The following RTCA variants were observed in gnomAD, a reference collection of about 807,000 sequenced individuals.
RTCA encodes the protein RNA terminal phosphate cyclase domain 1.
In RTCA, 37 loss-of-function variants were observed where a neutral mutation model predicts 46.1. That is an observed-to-expected ratio of 0.80 (90% CI 0.62 to 1.06). The LOEUF is 1.06. RTCA is among the 50% of genes least tolerant of loss of function. The pLI, the probability that RTCA is intolerant of heterozygous loss-of-function variation, is 0.00. For synonymous variants in RTCA, 164 were observed against 158.3 expected (o/e 1.04, Z -0.27); for missense variants, 435 against 455.5 (o/e 0.95, Z 0.41).
rs902403432 is a variant in RTCA at position 100,289,127 on chromosome 1, C to CT, written c.999+1936dup. Among the ~76,000 whole-genome samples the CT allele has an allele frequency of 1.2e-3, 176 of 146,226 alleles. 2 individuals carry two copies. Among genetic ancestry groups the CT allele is most frequent in the Middle Eastern group, 3.5e-3 (1 of 284 alleles). On this transcript the variant is annotated intron_variant, in intron 10 of 10. Transcript: ENST00000370128. ...GCATGAGCCACCGCGCCTGGCCTTT[C>CT]TTTTTTTTTTTTCTTTTAAGAGACA... is the stretch of plus-strand genomic sequence containing the variant.
intron 2 of RTCA, 30 bp downstream of exon 2, chr1:100,266,654 G>T (rs755745297): frequency 4.5e-6 from 7 of 1,560,398 alleles, no homozygotes; most frequent in Non-Finnish European, 6.1e-6. Flanking sequence ...GAGTTGGGCC[G>T]TGAAGCTGGG....
At chr1:100,266,806 G>A in intron 2 of RTCA, 182 bp downstream of exon 2, 1 of 585,462 alleles carries the variant, frequency 1.7e-6, no homozygotes, top group Admixed American at 3.0e-5. Context: ...TTGAAAGCCT[G>A]GAGGGGTGAG....
intron 10 of RTCA, among the ~76,000 whole-genome samples, chr1:100,288,089 T>C (rs1667127358): frequency 6.6e-6 from 1 of 152,164 alleles, no homozygotes; most frequent in African/African-American, 2.4e-5. Context: ...CCACTGTGCC[T>C]GGCCTGGATT....
intron 4 of RTCA, among the ~76,000 whole-genome samples, chr1:100,272,129 A>T (rs1459798788): frequency 6.6e-6 from 1 of 152,252 alleles, no homozygotes. Context: ...TACTGTTAAC[A>T]TTCATATACA....
At chr1:100,272,443 A>G (rs1666150803) in intron 4 of RTCA, among the ~76,000 whole-genome samples, 2 of 152,156 alleles carry the variant, frequency 1.3e-5, no homozygotes, top group Non-Finnish European at 1.5e-5. Flanking sequence ...TAAATATCAA[A>G]TAGAGGGTTC....
At chr1:100,268,432 C>A in intron 3 of RTCA, 137 bp downstream of exon 3, 1 of 713,618 alleles carries the variant, frequency 1.4e-6, no homozygotes, top group Non-Finnish European at 2.3e-6. Flanking sequence ...AGGTATCCCT[C>A]TTGCCCAGGC....
rs776105129 is a variant in RTCA, at chr1:100,277,266, C to G, written c.749C>G (p.Ala250Gly). Residue 250 changes from alanine to glycine, a missense_variant, in exon 8 of 11, where the codon GCT (alanine) becomes GGT (glycine). Transcript: ENST00000370128. ...FGNGNGIIII[A>G]ETSTGCLFAG... ...CTTTTTTTCTTGCATAGAATTATTGCTGAGACCTCCACTGGCTGTTTGTTT... is the reference window on the plus strand; with the variant it reads ...CTTTTTTTCTTGCATAGAATTATTGGTGAGACCTCCACTGGCTGTTTGTTT... 6.2e-7 allele frequency: 1 copy of G among 1,612,770 alleles called. No individual in the cohort carries two copies. Among genetic ancestry groups the G allele is most frequent in the East Asian group, 2.2e-5 (1 of 44,836 alleles).
intron 6 of RTCA, 30 bp from the exon 7 acceptor site, chr1:100,275,569 T>G (rs1052144055): frequency 4.5e-6 from 7 of 1,552,066 alleles, no homozygotes; most frequent in Non-Finnish European, 6.1e-6. Flanking sequence ...AGTAATTGTT[T>G]TATTCTATTT....
intron 10 of RTCA, among the ~76,000 whole-genome samples, chr1:100,289,732 A>G (rs1004176368): frequency 6.6e-6 from 1 of 152,226 alleles, no homozygotes; most frequent in African/African-American, 2.4e-5. Context: ...AAATGTATAC[A>G]TAACGGAAAG....
rs1478608980 is a variant in RTCA at position 100,291,417 on chromosome 1, G to A, written c.1014G>A (p.Val338=). The A allele has an allele frequency of 6.2e-7, 1 of 1,608,736 alleles. No individual in the cohort carries two copies. The highest frequency in any genetic ancestry group is 1.3e-5 in the African/African-American group (1 of 74,704). ...AEQIAKAKFI[V]KKSEDEEDAA... is the part of the protein sequence containing the mutation. ...TCTGATTTCAGGCTAAATTTATTGT[G>A]AAGAAATCAGAAGATGAAGAAGACG... The change falls in exon 11 of 11, where the codon GTG becomes GTA. Residue 338 remains valine, a synonymous_variant. Coordinates refer to ENST00000370128, the MANE Select transcript of RTCA (RefSeq NM_003729.4).
intron 4 of RTCA, among the ~76,000 whole-genome samples, chr1:100,272,651 T>C (rs1479707353): frequency 2.0e-5 from 3 of 152,130 alleles, no homozygotes; most frequent in Non-Finnish European, 4.4e-5. Flanking sequence ...TTAAACACCA[T>C]CTTTCTCTGA....
chr1:100,286,276 C>G (rs904262518), intron 9 of RTCA, among the ~76,000 whole-genome samples: 4 of 151,808 alleles, frequency 2.6e-5, no homozygotes, highest in Non-Finnish European at 1.5e-5. Flanking sequence ...CACGGTGAAA[C>G]CCCGTCTCTA....
intron 9 of RTCA, among the ~76,000 whole-genome samples, chr1:100,286,136 T>C (rs993082902): frequency 1.3e-5 from 2 of 152,092 alleles, no homozygotes; most frequent in Admixed American, 6.6e-5. Context: ...ACACCTCCAC[T>C]TGGACGTGTC....
At chr1:100,275,000 A>G (rs1666296751) in intron 6 of RTCA, 35 bp downstream of exon 6, 1 of 1,538,602 alleles carries the variant, frequency 6.5e-7, no homozygotes, top group Middle Eastern at 1.7e-4. Context: ...AATAAAATAT[A>G]TGTGTGTCTT....
chr1:100,291,372 T>C, intron 10 of RTCA, 31 bp from the exon 11 acceptor site: 1 of 1,433,962 alleles, frequency 7.0e-7, no homozygotes, highest in Non-Finnish European at 9.7e-7. Context: ...TCTCTCTTCG[T>C]ATTACTTATA....
intron 2 of RTCA, chr1:100,267,634 C>T (rs900669444): frequency 7.8e-6 from 10 of 1,288,682 alleles, no homozygotes; most frequent in Admixed American, 3.2e-5. Context: ...TTGCCCCTAG[C>T]GTCTCTGTAT....
intron 4 of RTCA, among the ~76,000 whole-genome samples, chr1:100,271,672 C>T (rs4376757): frequency 0.72 from 109,469 of 151,998 alleles, 42,968 homozygotes; most frequent in East Asian, 0.94. Flanking sequence ...GTGGTATAAT[C>T]TTTTTTCTTC....
At chr1:100,282,517 T>G (rs1000487267) in intron 8 of RTCA, among the ~76,000 whole-genome samples, 3 of 152,246 alleles carry the variant, frequency 2.0e-5, no homozygotes, top group Non-Finnish European at 4.4e-5. Flanking sequence ...GAGTTAGCAC[T>G]TAATTATCCT....
intron 7 of RTCA, 50 bp downstream of exon 7, chr1:100,275,773 A>G (rs777655372): frequency 4.2e-5 from 61 of 1,454,942 alleles, no homozygotes; most frequent in Non-Finnish European, 5.3e-5. Flanking sequence ...TAAAATAGTT[A>G]TCTAATTAAA....
Sources: allele counts gnomAD v4.1 joint callset (sites outside exome capture counted in the v4.1 genomes callset), GRCh38; gene constraint gnomAD v4.1.1; transcripts MANE v1.5; gene names NCBI Gene and HGNC (gene_info 2026-07-23, HGNC 2026-07-21).